GABRA2: variants seen among roughly 807,000 people sequenced by gnomAD.
The protein encoded by GABRA2 is gamma-aminobutyric acid receptor subunit alpha-2.
GABRA2 carries 16 observed loss-of-function variants against 48.7 expected under a neutral mutation model. The ratio of observed to expected loss-of-function variants is 0.33; its 90% CI spans 0.22 to 0.50. The LOEUF (loss-of-function observed/expected upper bound fraction) is 0.50, where lower values mean the gene tolerates loss of function less well. Among genes scored for constraint, GABRA2 ranks in the 20% least tolerant of loss-of-function variants. The pLI is 0.98. For missense variants in GABRA2, 275 were observed against 535.6 expected, an observed-to-expected ratio of 0.51 and a Z score of 4.80; for synonymous variants, 185 against 184.5, an observed-to-expected ratio of 1.00 and a Z score of -0.02.
At chr4:46,310,838 C>T (rs113185163) in intron 5 of GABRA2, among the ~76,000 whole-genome samples, 2,339 of 152,086 alleles carry the variant, frequency 0.015, 62 homozygotes, top group African/African-American at 0.054. Context: ...ACACAAATTA[C>T]GAATGTTAAA....
chr4:46,375,051 T>A (rs1715483490), intron 3 of GABRA2, among the ~76,000 whole-genome samples: 1 of 152,088 alleles, frequency 6.6e-6, no homozygotes, highest in African/African-American at 2.4e-5. Flanking sequence ...GAAATAGATT[T>A]AACTCATGTA....
At chr4:46,387,521 C>G (rs1006850144) in intron 2 of GABRA2, among the ~76,000 whole-genome samples, 2 of 152,052 alleles carry the variant, frequency 1.3e-5, no homozygotes, top group African/African-American at 4.8e-5. Flanking sequence ...TCACTTTATA[C>G]CCTCTAGCCT....
At chr4:46,337,143 A>T (rs1256355696) in intron 3 of GABRA2, among the ~76,000 whole-genome samples, 1 of 152,098 alleles carries the variant, frequency 6.6e-6, no homozygotes, top group Non-Finnish European at 1.5e-5. Context: ...AACATAATAG[A>T]AAAAAAGCAT....
At chr4:46,250,813 T>C (rs537109787) in intron 9 of GABRA2, among the ~76,000 whole-genome samples, 1 of 151,620 alleles carries the variant, frequency 6.6e-6, no homozygotes, top group African/African-American at 2.4e-5. Flanking sequence ...GTGGTACCAC[T>C]TTCTTGAGGA....
chr4:46,290,097 T>A (rs1451672343), intron 8 of GABRA2, among the ~76,000 whole-genome samples: 1 of 150,210 alleles, frequency 6.7e-6, no homozygotes, highest in African/African-American at 2.4e-5. Flanking sequence ...ATTTTTTTTT[T>A]AGTAGAGACG....
chr4:46,336,526 T>C (rs900599582), intron 3 of GABRA2, among the ~76,000 whole-genome samples: 7 of 152,166 alleles, frequency 4.6e-5, no homozygotes, highest in Non-Finnish European at 1.0e-4. Flanking sequence ...ACCAGCTAAA[T>C]AGCTGACATG....
intron 4 of GABRA2, among the ~76,000 whole-genome samples, chr4:46,322,304 T>C (rs1729590246): frequency 6.6e-6 from 1 of 151,886 alleles, no homozygotes; most frequent in Admixed American, 6.6e-5. Context: ...AAAGGGAGTT[T>C]GAAATAATAA....
intron 3 of GABRA2, among the ~76,000 whole-genome samples, chr4:46,336,295 A>T (rs1159252550): frequency 6.6e-6 from 1 of 152,212 alleles, no homozygotes; most frequent in Non-Finnish European, 1.5e-5. Flanking sequence ...GTGAAGGCAG[A>T]GTCCATTTCC....
intron 9 of GABRA2, among the ~76,000 whole-genome samples, chr4:46,258,747 C>A (rs1445732238): frequency 1.3e-5 from 2 of 151,678 alleles, no homozygotes; most frequent in Non-Finnish European, 2.9e-5. Context: ...TGTGCTGGGC[C>A]TGAAGAATGA....
intron 9 of GABRA2, among the ~76,000 whole-genome samples, chr4:46,255,631 G>T (rs760633580): frequency 2.6e-5 from 4 of 151,490 alleles, no homozygotes; most frequent in Non-Finnish European, 5.9e-5. Context: ...GAATGAAAAA[G>T]AAATATAACC....
chr4:46,257,115 T>C (rs1234879741), intron 9 of GABRA2, among the ~76,000 whole-genome samples: 1 of 151,684 alleles, frequency 6.6e-6, no homozygotes, highest in Admixed American at 6.6e-5. Context: ...TCAGATCTTG[T>C]AAACTTGTGT....
chr4:46,334,874 A>G (rs1056486150), intron 3 of GABRA2, among the ~76,000 whole-genome samples: 3 of 152,204 alleles, frequency 2.0e-5, no homozygotes, highest in Admixed American at 2.0e-4. Context: ...CCGAAAAAGG[A>G]AAATCAGCAA....
intron 9 of GABRA2, among the ~76,000 whole-genome samples, chr4:46,251,416 T>C (rs542547486): frequency 6.6e-5 from 10 of 151,506 alleles, no homozygotes; most frequent in East Asian, 1.9e-4. Flanking sequence ...CAATGGCTTC[T>C]TTCTTTTGCT....
At chr4:46,253,342 A>G (rs1715186253) in intron 9 of GABRA2, among the ~76,000 whole-genome samples, 1 of 151,376 alleles carries the variant, frequency 6.6e-6, no homozygotes. Flanking sequence ...CTGAACAGAT[A>G]CTCTGACCAA....
intron 3 of GABRA2, among the ~76,000 whole-genome samples, chr4:46,351,977 T>A (rs1578142523): frequency 9.9e-6 from 1 of 101,364 alleles, no homozygotes; most frequent in Admixed American, 9.2e-5. Context: ...AAACTGGGTT[T>A]TTTTTTTTTA....
chr4:46,307,191 A>C (rs1726845908), intron 6 of GABRA2, among the ~76,000 whole-genome samples: 1 of 152,014 alleles, frequency 6.6e-6, no homozygotes, highest in South Asian at 2.1e-4. Flanking sequence ...CTAATTAAGT[A>C]ATTTCAATTC....
At chr4:46,250,632 G>T in intron 9 of GABRA2, 28 bp from the exon 10 acceptor site, 1 of 1,534,506 alleles carries the variant, frequency 6.5e-7, no homozygotes, top group Non-Finnish European at 8.8e-7. Flanking sequence ...AATTAACAGA[G>T]TGTGGGTTGA....
At chr4:46,282,221 A>C (rs1721663730) in intron 8 of GABRA2, among the ~76,000 whole-genome samples, 1 of 152,144 alleles carries the variant, frequency 6.6e-6, no homozygotes, top group Non-Finnish European at 1.5e-5. Context: ...TTCCCTCTTC[A>C]GGGTGAATTT....
chr4:46,243,919 CA>C lies in GABRA2; in HGVS notation c.*6388del, dbSNP rs1713227383. On this transcript the variant is annotated 3_prime_UTR_variant, in exon 10 of 10. Transcript: ENST00000381620. ...TATTCAAATGTAGCAATAAGTATGA[CA>C]TTTTTTAAAGTTTTCACTCACATCA... 1.3e-5 allele frequency: 2 copies of C among 151,486 alleles called. No homozygotes were observed. The highest frequency in any genetic ancestry group is 4.8e-5 in the African/African-American group (2 of 41,360). 9.4% of individuals were successfully genotyped at this position (151,486 alleles called of 1,614,324 possible). A position where few individuals can be genotyped will look rare whatever the true frequency, so the allele number is the denominator to read the frequency against.
Sources: allele counts gnomAD v4.1 joint callset (sites outside exome capture counted in the v4.1 genomes callset), GRCh38; gene constraint gnomAD v4.1.1; transcripts MANE v1.5; gene names NCBI Gene and HGNC (gene_info 2026-07-23, HGNC 2026-07-21).